CPNE8: variants seen among roughly 807,000 people sequenced by gnomAD.
CPNE8 encodes the protein copine-8.
CPNE8 carries 45 observed loss-of-function variants against 81.5 expected under a neutral mutation model. That is an observed-to-expected ratio of 0.55 (90% CI 0.44 to 0.71). The LOEUF is 0.71. Among genes scored for constraint, CPNE8 ranks in the 30% least tolerant of loss-of-function variants. The pLI is 0.00. For missense variants in CPNE8, 594 were observed against 672.1 expected (o/e 0.88, Z 1.28); for synonymous variants, 252 against 226.3 (o/e 1.11, Z -1.02).
At chr12:38,885,806 C>G (rs562467113) in intron 1 of CPNE8, among the ~76,000 whole-genome samples, 1 of 151,966 alleles carries the variant, frequency 6.6e-6, no homozygotes, top group Admixed American at 6.6e-5. Context: ...AGTCCTCCCC[C>G]TTCTGTTCTT....
chr12:38,885,968 T>C (rs899785633), intron 1 of CPNE8, among the ~76,000 whole-genome samples: 18 of 152,186 alleles, frequency 1.2e-4, no homozygotes, highest in African/African-American at 3.9e-4. Context: ...TCCCCAGCTA[T>C]GCTACCTGTA....
chr12:38,801,112 A>G (rs1364252536), intron 6 of CPNE8, among the ~76,000 whole-genome samples: 2 of 116,932 alleles, frequency 1.7e-5, no homozygotes, highest in African/African-American at 6.6e-5. Context: ...AACTTCCCCA[A>G]TCTAGCAAGG....
upstream of CPNE8, chr12:38,906,786 AC>A: frequency 5.7e-6 from 1 of 175,328 alleles, no homozygotes; most frequent in Non-Finnish European, 1.1e-5. Flanking sequence ...GGAGCTCGCC[AC>A]CAGGCGGCGA....
At chr12:38,827,041 G>C (rs1943209220) in intron 6 of CPNE8, among the ~76,000 whole-genome samples, 1 of 150,152 alleles carries the variant, frequency 6.7e-6, no homozygotes, top group African/African-American at 2.4e-5. Flanking sequence ...AATTAGCAGG[G>C]TGCCACACGT....
chr12:38,841,675 G>A (rs1357392016), intron 4 of CPNE8, among the ~76,000 whole-genome samples: 1 of 152,132 alleles, frequency 6.6e-6, no homozygotes, highest in Non-Finnish European at 1.5e-5. Flanking sequence ...GCTTTAAAGT[G>A]ATTCAGCAAT....
rs189758467 is a variant in CPNE8 at position 38,812,119 on chromosome 12, G to C, written c.407+17260C>G. Among the ~76,000 whole-genome samples, 215 of 152,274 alleles carry C rather than the reference G, an allele frequency of 1.4e-3. 1 individual carries two copies. The highest frequency in any genetic ancestry group is 4.9e-3 in the African/African-American group (203 of 41,568). ...AAAAATGGGGCAATAATCATGGTCT[G>C]GCAGAGACAAAGAAGATTTAACACA... On this transcript the variant is annotated intron_variant, in intron 6 of 19. Transcript: ENST00000331366.
chr12:38,675,228 A>C (rs1939261677), intron 18 of CPNE8, among the ~76,000 whole-genome samples: 1 of 152,190 alleles, frequency 6.6e-6, no homozygotes, highest in African/African-American at 2.4e-5. Context: ...TTTATTTATA[A>C]GGCTAATGTC....
intron 6 of CPNE8, among the ~76,000 whole-genome samples, chr12:38,790,503 A>T (rs1300892432): frequency 1.3e-5 from 2 of 151,768 alleles, no homozygotes; most frequent in Non-Finnish European, 3.0e-5. Context: ...TAAAAACAAT[A>T]GTTAGAAATA....
chr12:38,771,898 G>A, intron 7 of CPNE8, among the ~76,000 whole-genome samples: 1 of 152,156 alleles, frequency 6.6e-6, no homozygotes, highest in Admixed American at 6.5e-5. Flanking sequence ...GAGAAAATAT[G>A]CTGTGGTTGC....
chr12:38,686,014 G>C (rs1408909347), intron 15 of CPNE8, among the ~76,000 whole-genome samples: 1 of 152,076 alleles, frequency 6.6e-6, no homozygotes, highest in African/African-American at 2.4e-5. Context: ...GGCTACCTCT[G>C]GGTGGTTAGA....
rs1346278472 is a variant in CPNE8, at chr12:38,873,009, T to C, written c.181A>G (p.Arg61Gly). The C allele has an allele frequency of 6.5e-7, 1 of 1,542,162 alleles. No individual in the cohort carries two copies. The highest frequency in any genetic ancestry group is 8.9e-7 in the Non-Finnish European group (1 of 1,118,472). The change falls in exon 3 of 20, where the codon AGA (arginine) becomes GGA (glycine). Residue 61 changes from arginine to glycine, a missense_variant. By Grantham distance (125) the Arg-to-Gly change is moderately radical (BLOSUM62 -2). Coordinates refer to ENST00000331366, the MANE Select transcript of CPNE8 (RefSeq NM_153634.3). ...TAAAAAAGTTTTAAACTTACCTCTC[T>C]CCATTCTTTATTTCCAACTCCTTGT... ...YVQGVGNKEW[R>G]EFGRTEVIDN...
chr12:38,836,574 T>C (rs1943384562), intron 5 of CPNE8, among the ~76,000 whole-genome samples: 2 of 152,022 alleles, frequency 1.3e-5, no homozygotes, highest in Non-Finnish European at 2.9e-5. Flanking sequence ...ATTCAAGGGG[T>C]CTCTCTTGCT....
chr12:38,691,008 G>A (rs958973194), intron 15 of CPNE8, among the ~76,000 whole-genome samples: 11 of 152,224 alleles, frequency 7.2e-5, no homozygotes, highest in African/African-American at 2.2e-4. Flanking sequence ...AATTGTGTGG[G>A]TGATGGAATA....
intron 14 of CPNE8, among the ~76,000 whole-genome samples, 154 bp from the exon 15 acceptor site, chr12:38,693,992 A>G (rs952441838): frequency 6.6e-6 from 1 of 152,178 alleles, no homozygotes; most frequent in African/African-American, 2.4e-5. Flanking sequence ...ATGGATATTA[A>G]CACAGAAATA....
At chr12:38,685,681 C>A in intron 15 of CPNE8, 64 bp from the exon 16 acceptor site, 2 of 1,537,340 alleles carry the variant, frequency 1.3e-6, no homozygotes, top group South Asian at 2.4e-5. Context: ...CCATGAAGAT[C>A]AATTGAAAGA....
chr12:38,735,410 C>G (rs1161394182), intron 10 of CPNE8, among the ~76,000 whole-genome samples: 1 of 150,786 alleles, frequency 6.6e-6, no homozygotes, highest in Non-Finnish European at 1.5e-5. Flanking sequence ...TGGAACCAAG[C>G]CTTTAATTCC....
intron 7 of CPNE8, among the ~76,000 whole-genome samples, chr12:38,772,623 C>T (rs1464791264): frequency 6.6e-6 from 1 of 152,104 alleles, no homozygotes; most frequent in South Asian, 2.1e-4. Context: ...GAAGCAGTGT[C>T]AGTGAGGATG....
intron 7 of CPNE8, among the ~76,000 whole-genome samples, chr12:38,771,271 G>A (rs1278779506): frequency 1.3e-5 from 2 of 150,240 alleles, no homozygotes; most frequent in African/African-American, 4.9e-5. Flanking sequence ...GACCAGCCTG[G>A]ACAACACAGT....
chr12:38,882,558 A>T (rs1944177263), intron 1 of CPNE8, among the ~76,000 whole-genome samples: 1 of 152,050 alleles, frequency 6.6e-6, no homozygotes, highest in African/African-American at 2.4e-5. Context: ...ACACTGTCCA[A>T]CCTCTCCTCC....
Sources: gnomAD v4.1 joint callset for allele counts (sites outside exome capture counted in the v4.1 genomes callset) on GRCh38, gnomAD v4.1.1 for gene constraint, MANE v1.5 for transcripts, NCBI Gene and HGNC (gene_info 2026-07-23, HGNC 2026-07-21) for gene names.